Variants in FHIT observed in about 807,000 individuals in gnomAD.
FHIT encodes the protein fragile histidine triad diadenosine triphosphatase, also known as bis(5'-adenosyl)-triphosphatase.
FHIT carries 19 observed loss-of-function variants against 17.9 expected under a neutral mutation model. The ratio of observed to expected loss-of-function variants is 1.06; its 90% CI spans 0.74 to 1.56. The LOEUF (loss-of-function observed/expected upper bound fraction) is 1.56. Among genes scored for constraint, FHIT ranks in the 40% most tolerant of loss-of-function variants. FHIT has a pLI of 0.00. For missense variants in FHIT, 248 were observed against 189.2 expected (o/e 1.31, Z -1.82); for synonymous variants, 81 against 69.7 (o/e 1.16, Z -0.81).
intron 4 of FHIT, among the ~76,000 whole-genome samples, chr3:60,747,695 G>A (rs902765043): frequency 7.2e-5 from 11 of 152,146 alleles, no homozygotes; most frequent in African/African-American, 2.4e-4. Flanking sequence ...CAGAATCAAC[G>A]ACAATTCAAT....
chr3:61,109,696 C>A (rs2036096948), intron 2 of FHIT, among the ~76,000 whole-genome samples: 1 of 151,974 alleles, frequency 6.6e-6, no homozygotes, highest in African/African-American at 2.4e-5. Flanking sequence ...ATGTCATAAG[C>A]AATGTCATAA....
At chr3:60,517,311 T>C (rs1214987568) in intron 5 of FHIT, among the ~76,000 whole-genome samples, 1 of 152,244 alleles carries the variant, frequency 6.6e-6, no homozygotes, top group Non-Finnish European at 1.5e-5. Context: ...TATTGCCATA[T>C]ATGATGCAAT....
At chr3:60,621,306 G>A (rs1038734527) in intron 4 of FHIT, among the ~76,000 whole-genome samples, 3 of 151,584 alleles carry the variant, frequency 2.0e-5, no homozygotes, top group African/African-American at 7.3e-5. Context: ...CCACGACTAC[G>A]CCTAGCTACT....
chr3:60,223,505 C>T (rs1328344117), intron 5 of FHIT, among the ~76,000 whole-genome samples: 1 of 150,560 alleles, frequency 6.6e-6, no homozygotes, highest in African/African-American at 2.4e-5. Context: ...ATTTTATTTA[C>T]TAATCTAAAA....
chr3:60,290,703 G>A (rs141366951), intron 5 of FHIT, among the ~76,000 whole-genome samples: 1 of 152,254 alleles, frequency 6.6e-6, no homozygotes, highest in East Asian at 1.9e-4. Flanking sequence ...ATTACACTGT[G>A]TCTCCAAATG....
intron 3 of FHIT, among the ~76,000 whole-genome samples, chr3:60,941,995 T>C (rs1230966378): frequency 2.0e-5 from 3 of 152,162 alleles, no homozygotes; most frequent in African/African-American, 7.2e-5. Flanking sequence ...TCTGTTGTTG[T>C]TGTTGTTTTT....
At chr3:60,824,609 TC>T (rs781799787) in intron 3 of FHIT, among the ~76,000 whole-genome samples, 4 of 152,306 alleles carry the variant, frequency 2.6e-5, no homozygotes, top group African/African-American at 4.8e-5. Flanking sequence ...TTTGGCTGTG[TC>T]CCCACCCAAG....
chr3:60,010,908 C>A (rs903337655), intron 7 of FHIT, among the ~76,000 whole-genome samples: 1 of 151,768 alleles, frequency 6.6e-6, no homozygotes, highest in South Asian at 2.1e-4. Flanking sequence ...CACAGGAGAA[C>A]AGAAAGGAAG....
At chr3:59,884,010 T>A (rs73839564) in intron 8 of FHIT, among the ~76,000 whole-genome samples, 1 of 152,150 alleles carries the variant, frequency 6.6e-6, no homozygotes, top group Admixed American at 6.5e-5. Flanking sequence ...ACTTTTGTCT[T>A]GTTTATGTAA....
intron 3 of FHIT, among the ~76,000 whole-genome samples, chr3:60,861,171 T>TGATATATATGATATATA (rs1358617646): frequency 0.023 from 12 of 526 alleles, 2 homozygotes; most frequent in African/African-American, 0.045. Flanking sequence ...ATATCATATG[T>TGATATATATGATATATA]TCTATGATAT....
At chr3:60,596,338 C>G (rs906316325) in intron 4 of FHIT, among the ~76,000 whole-genome samples, 4 of 152,120 alleles carry the variant, frequency 2.6e-5, no homozygotes, top group Admixed American at 6.6e-5. Flanking sequence ...TCTCCTGAAC[C>G]ACCTTGAAGT....
intron 4 of FHIT, among the ~76,000 whole-genome samples, chr3:60,716,487 C>A (rs1433556334): frequency 6.6e-6 from 1 of 152,056 alleles, no homozygotes; most frequent in Non-Finnish European, 1.5e-5. Context: ...CTGCCTCCCA[C>A]CTCCACATCT....
chr3:60,471,168 C>A (rs2033071433), intron 5 of FHIT, among the ~76,000 whole-genome samples: 1 of 152,140 alleles, frequency 6.6e-6, no homozygotes, highest in African/African-American at 2.4e-5. Context: ...GAGCTGTGAG[C>A]TGTGTTGCCT....
At chr3:59,962,039 C>T (rs1324064823) in intron 7 of FHIT, among the ~76,000 whole-genome samples, 2 of 152,180 alleles carry the variant, frequency 1.3e-5, no homozygotes, top group Non-Finnish European at 2.9e-5. Context: ...ACAGCAGAAT[C>T]ATTCTAGAAA....
chr3:60,876,254 T>C (rs1704648314), intron 3 of FHIT, among the ~76,000 whole-genome samples: 1 of 152,100 alleles, frequency 6.6e-6, no homozygotes, highest in South Asian at 2.1e-4. Flanking sequence ...AATGGAACAA[T>C]CTGAGAATTT....
intron 4 of FHIT, among the ~76,000 whole-genome samples, chr3:60,664,996 T>C (rs1311873468): frequency 1.3e-5 from 2 of 152,032 alleles, no homozygotes; most frequent in East Asian, 1.9e-4. Flanking sequence ...TCTGTCTACT[T>C]GCTTTTACTT....
chr3:60,317,042 C>T (rs905661992), intron 5 of FHIT, among the ~76,000 whole-genome samples: 1 of 152,088 alleles, frequency 6.6e-6, no homozygotes, highest in Non-Finnish European at 1.5e-5. Flanking sequence ...CATAGCTATA[C>T]AGTAATCTAA....
chr3:60,453,460 C>A (rs1279962059), intron 5 of FHIT, among the ~76,000 whole-genome samples: 3 of 152,142 alleles, frequency 2.0e-5, no homozygotes, highest in Non-Finnish European at 4.4e-5. Context: ...CCAGGCCAGG[C>A]ACCAGGCTAG....
chr3:60,575,166 A>G (rs2037523541), intron 4 of FHIT, among the ~76,000 whole-genome samples: 1 of 152,182 alleles, frequency 6.6e-6, no homozygotes, highest in South Asian at 2.1e-4. Flanking sequence ...AAAAAGGAAA[A>G]AGAAAGCGAC....
Sources: allele counts gnomAD v4.1 joint callset (sites outside exome capture counted in the v4.1 genomes callset), GRCh38; gene constraint gnomAD v4.1.1; transcripts MANE v1.5; gene names NCBI Gene and HGNC (gene_info 2026-07-23, HGNC 2026-07-21).